PCSK5: variants seen among roughly 807,000 people sequenced by gnomAD.
The protein encoded by PCSK5 is proprotein convertase subtilisin/kexin type 5.
Under a neutral mutation model 233.2 loss-of-function variants are expected in PCSK5, and 129 were observed. The ratio of observed to expected loss-of-function variants is 0.55; its 90% CI spans 0.48 to 0.64. The LOEUF is 0.64. PCSK5 is among the 30% of genes least tolerant of loss of function. The pLI is 0.00. For missense variants in PCSK5, 2,076 were observed against 2,430.1 expected (o/e 0.85, Z 3.06); for synonymous variants, 825 against 879.2 (o/e 0.94, Z 1.09).
intron 5 of PCSK5, among the ~76,000 whole-genome samples, chr9:76,041,869 A>G (rs1829136699): frequency 6.6e-6 from 1 of 151,230 alleles, no homozygotes. Context: ...AGATTTTATA[A>G]TGTGTTCACT....
intron 24 of PCSK5, among the ~76,000 whole-genome samples, chr9:76,248,295 CAT>C (rs1826683995): frequency 6.6e-6 from 1 of 152,030 alleles, no homozygotes; most frequent in Non-Finnish European, 1.5e-5. Flanking sequence ...TAACAAATGA[CAT>C]AGTAAGTAGT....
intron 5 of PCSK5, among the ~76,000 whole-genome samples, chr9:76,033,896 AC>A (rs1175953771): frequency 6.6e-6 from 1 of 152,066 alleles, no homozygotes; most frequent in African/African-American, 2.4e-5. Context: ...ACCTCTTAAC[AC>A]CAACATGTTA....
intron 1 of PCSK5, among the ~76,000 whole-genome samples, chr9:75,897,493 T>TC (rs201003645): frequency 1.3e-4 from 18 of 142,162 alleles, no homozygotes; most frequent in Middle Eastern, 3.5e-3. Context: ...TCTTTTCTTT[T>TC]TTTTTTTTTT....
chr9:76,289,469 CCACACACACACACA>C (rs201456283), intron 24 of PCSK5, among the ~76,000 whole-genome samples: 617 of 129,640 alleles, frequency 4.8e-3, no homozygotes, highest in South Asian at 6.1e-3. Flanking sequence ...ATTCCCCTCA[CCACACACACACACA>C]CACACACACA....
chr9:76,146,889 T>G (rs1035279160), intron 10 of PCSK5, among the ~76,000 whole-genome samples: 59 of 152,294 alleles, frequency 3.9e-4, no homozygotes, highest in African/African-American at 1.4e-3. Context: ...ACCATCTTGC[T>G]AATAAGATCA....
intron 24 of PCSK5, among the ~76,000 whole-genome samples, chr9:76,282,351 T>TC (rs1554716416): frequency 7.9e-5 from 7 of 88,134 alleles, no homozygotes; most frequent in Admixed American, 5.8e-4. Context: ...TTTTCTTCTG[T>TC]CTTTTTTTTT....
intron 9 of PCSK5, among the ~76,000 whole-genome samples, chr9:76,128,834 G>C (rs897943216): frequency 1.2e-4 from 18 of 152,098 alleles, no homozygotes; most frequent in Admixed American, 5.9e-4. Flanking sequence ...TCTAAATCTT[G>C]AGGTATTATT....
rs751942623 is a variant in PCSK5 at position 76,189,071 on chromosome 9, C to G, written c.2381-23C>G. 5.6e-6 allele frequency: 9 copies of G among 1,608,962 alleles called. No homozygotes were observed. In the East Asian group the frequency reaches 1.1e-4, roughly 20 times the overall value. ...TCCTCTGAGGTTTTATTTCTCGTTT[C>G]CTGTGTTTGTCTTGCTTTTAAGGGG... On this transcript the variant is annotated intron_variant, in intron 18 of 37. Transcript: ENST00000674117.
chr9:75,928,820 T>G (rs1260233954), intron 1 of PCSK5, among the ~76,000 whole-genome samples: 1 of 151,640 alleles, frequency 6.6e-6, no homozygotes, highest in African/African-American at 2.4e-5. Context: ...AACTAAACCA[T>G]TTTTGCTGAA....
At chr9:75,990,502 G>T (rs1274263289) in intron 3 of PCSK5, among the ~76,000 whole-genome samples, 1 of 152,168 alleles carries the variant, frequency 6.6e-6, no homozygotes, top group Non-Finnish European at 1.5e-5. Context: ...ATACTGTGTT[G>T]AGATTTCTAG....
At chr9:76,047,337 CCG>C (rs887108950) in intron 5 of PCSK5, among the ~76,000 whole-genome samples, 25 of 152,068 alleles carry the variant, frequency 1.6e-4, no homozygotes, top group African/African-American at 5.8e-4. Context: ...ACGTTGTGAT[CCG>C]CGCGCCTCGG....
intron 34 of PCSK5, among the ~76,000 whole-genome samples, chr9:76,337,021 G>A (rs1019325125): frequency 1.3e-5 from 2 of 151,620 alleles, no homozygotes; most frequent in East Asian, 3.9e-4. Context: ...AGTGGTTATA[G>A]TTATCATATT....
intron 2 of PCSK5, among the ~76,000 whole-genome samples, chr9:75,944,392 C>T (rs1314365934): frequency 6.6e-6 from 1 of 151,914 alleles, no homozygotes; most frequent in Non-Finnish European, 1.5e-5. Context: ...TTCCACAGTG[C>T]CTGATTTTTA....
At chr9:76,266,172 T>C (rs956419998) in intron 24 of PCSK5, among the ~76,000 whole-genome samples, 2 of 152,248 alleles carry the variant, frequency 1.3e-5, no homozygotes, top group African/African-American at 4.8e-5. Context: ...CCACTGGTTT[T>C]ACATGCTAAG....
At chr9:76,282,493 T>A (rs541312027) in intron 24 of PCSK5, among the ~76,000 whole-genome samples, 2 of 150,532 alleles carry the variant, frequency 1.3e-5, no homozygotes, top group African/African-American at 4.9e-5. Flanking sequence ...CTGATATCTA[T>A]TTTTTGTAGA....
intron 17 of PCSK5, among the ~76,000 whole-genome samples, chr9:76,185,410 G>A (rs946063765): frequency 6.6e-6 from 1 of 152,210 alleles, no homozygotes; most frequent in Non-Finnish European, 1.5e-5. Flanking sequence ...GACTGAGGCT[G>A]TACGTAGAAT....
intron 19 of PCSK5, 99 bp downstream of exon 19, chr9:76,189,322 A>C: frequency 9.7e-7 from 1 of 1,029,188 alleles, no homozygotes; most frequent in Non-Finnish European, 1.4e-6. Context: ...TGTAATGATA[A>C]CACTAGGTTT....
At chr9:76,064,074 A>T (rs1408022623) in intron 5 of PCSK5, among the ~76,000 whole-genome samples, 1 of 105,214 alleles carries the variant, frequency 9.5e-6, no homozygotes, top group Non-Finnish European at 1.9e-5. Flanking sequence ...ACTTCCCAGT[A>T]GGGGCAGCTG....
chr9:76,008,556 G>C (rs1248197422), intron 3 of PCSK5, among the ~76,000 whole-genome samples: 1 of 151,890 alleles, frequency 6.6e-6, no homozygotes, highest in African/African-American at 2.4e-5. Flanking sequence ...CTGCCTCCCA[G>C]GTTCAAGTGA....
Sources: allele counts gnomAD v4.1 joint callset (sites outside exome capture counted in the v4.1 genomes callset), GRCh38; gene constraint gnomAD v4.1.1; transcripts MANE v1.5; gene names NCBI Gene and HGNC (gene_info 2026-07-23, HGNC 2026-07-21).